Variants in ANXA6 observed in about 807,000 individuals in gnomAD.
ANXA6 encodes the protein 67 kDa calelectrin.
Under a neutral mutation model 95.4 loss-of-function variants are expected in ANXA6, and 71 were observed. The observed-to-expected ratio is 0.74, with a 90% CI of 0.61 to 0.91. The LOEUF (loss-of-function observed/expected upper bound fraction) is 0.91. ANXA6 is among the 40% of genes least tolerant of loss of function. The pLI is 0.00. For missense variants in ANXA6, 830 were observed against 876.4 expected (o/e 0.95, Z 0.67); for synonymous variants, 289 against 315.9 (o/e 0.91, Z 0.90).
intron 17 of ANXA6, among the ~76,000 whole-genome samples, chr5:151,121,529 C>A (rs913154972): frequency 2.0e-5 from 3 of 152,148 alleles, no homozygotes; most frequent in African/African-American, 7.2e-5. Context: ...ATACCTGTGA[C>A]CTTGATTGAC....
chr5:151,143,204 T>A (rs185157781), intron 2 of ANXA6, among the ~76,000 whole-genome samples: 1 of 152,122 alleles, frequency 6.6e-6, no homozygotes. Flanking sequence ...AGGCTCTTTC[T>A]AACAGACCAT....
chr5:151,121,910 G>A (rs1765178883), intron 17 of ANXA6, among the ~76,000 whole-genome samples: 1 of 152,210 alleles, frequency 6.6e-6, no homozygotes, highest in Admixed American at 6.5e-5. Flanking sequence ...GGACAGCAGA[G>A]CCAAGACAGG....
Position 151,100,858 on chromosome 5 carries a change from G to A in ANXA6, c.*590C>T, listed in dbSNP as rs896960292. The A allele has an allele frequency of 2.2e-6, 1 of 456,154 alleles. No individual in the cohort carries two copies. The highest frequency in any genetic ancestry group is 2.0e-5 in the African/African-American group (1 of 50,064). The allele number at this position is 456,154 out of a possible 1,614,324, so 28.3% of individuals were successfully genotyped here. A position where few individuals can be genotyped will look rare whatever the true frequency, so the allele number is the denominator to read the frequency against. On this transcript the variant is annotated 3_prime_UTR_variant, in exon 26 of 26. Coordinates refer to ENST00000354546, the MANE Select transcript of ANXA6 (RefSeq NM_001155.5). ...GTCTCATTGTAGATAAGAAAATAGA[G>A]ACTCAGGGAGGGAAAGGGGCTGGCC...
intron 2 of ANXA6, among the ~76,000 whole-genome samples, chr5:151,145,184 G>C (rs1765942549): frequency 6.6e-6 from 1 of 152,190 alleles, no homozygotes; most frequent in Non-Finnish European, 1.5e-5. Flanking sequence ...GGCTCTGTGG[G>C]GCTGGGCCCC....
At chr5:151,139,518 C>A in intron 3 of ANXA6, 71 bp from the exon 4 acceptor site, 1 of 1,069,866 alleles carries the variant, frequency 9.3e-7, no homozygotes, top group South Asian at 1.3e-5. Context: ...CCACTTCCTT[C>A]CCTGGACACA....
In ANXA6 at chr5:151,140,263, G is replaced by A. The variant is rs1210922100; in HGVS notation, c.19-20C>T. ...GGCACCCTGTGGAGAAAAAAGTAGA[G>A]GGTGAGCTGCCAACCCCGGACTGAG... On this transcript the variant is annotated intron_variant, in intron 2 of 25. Coordinates refer to ENST00000354546, the MANE Select transcript of ANXA6 (RefSeq NM_001155.5). The A allele has an allele frequency of 1.2e-6, 2 of 1,610,926 alleles. No homozygotes were observed. The highest frequency in any genetic ancestry group is 3.3e-5 in the Admixed American group (2 of 59,966).
chr5:151,136,730 G>A (rs1006907748), intron 6 of ANXA6, among the ~76,000 whole-genome samples: 5 of 152,182 alleles, frequency 3.3e-5, no homozygotes, highest in African/African-American at 1.2e-4. Context: ...CTCTTGGCCT[G>A]CAGGCCCTGT....
intron 1 of ANXA6, among the ~76,000 whole-genome samples, chr5:151,148,347 G>A (rs1017941247): frequency 2.0e-5 from 3 of 152,176 alleles, no homozygotes; most frequent in Admixed American, 1.3e-4. Flanking sequence ...GCTTAGAACT[G>A]AATTCAACAA....
rs764195005 is a variant in ANXA6, at chr5:151,139,366, G to T, written c.191C>A (p.Ser64Tyr). 1 of 1,611,936 alleles carries T rather than the reference G, an allele frequency of 6.2e-7. No individual in the cohort carries two copies. The highest frequency in any genetic ancestry group is 1.1e-5 in the South Asian group (1 of 90,904). The change falls in exon 4 of 26, where the codon TCC becomes TAC. Residue 64 changes from serine (S) to tyrosine (Y), a missense_variant. By Grantham distance (144) the Ser-to-Tyr change is moderately radical. Transcript: ENST00000354546. ...QRQEVCQSYK[S>Y]LYGKDLIADL... ...TGCTGTGGTTACCTTGCCGTAGAGG[G>T]ACTTGTAGCTCTGGCAGACCTCCTG...
At position 151,101,330 on chromosome 5, in the gene ANXA6, A is replaced by AACCCC; in HGVS notation, c.*117_*118insGGGGT. 1 of 385,868 alleles carries AACCCC rather than the reference A, an allele frequency of 2.6e-6. No individual in the cohort carries two copies. The highest frequency in any genetic ancestry group is 5.2e-6 in the Non-Finnish European group (1 of 190,628). The allele number at this position is 385,868 out of a possible 1,614,324, so 23.9% of individuals were successfully genotyped here. A position where few individuals can be genotyped will look rare whatever the true frequency, so the allele number is the denominator to read the frequency against. ...CCACTGAAGATAAGAGCCCAACCCA[A>AACCCC]CCCCTCCCCCCACCCCTGCCCCTTC... On this transcript the variant is annotated 3_prime_UTR_variant, in exon 26 of 26. Coordinates refer to ENST00000354546, the MANE Select transcript of ANXA6 (RefSeq NM_001155.5).
At chr5:151,156,870 C>T (rs1766250016) in intron 1 of ANXA6, among the ~76,000 whole-genome samples, 1 of 152,184 alleles carries the variant, frequency 6.6e-6, no homozygotes, top group South Asian at 2.1e-4. Context: ...GGTTTCTCAA[C>T]TATGGACTTG....
At chr5:151,115,217 A>G (rs1280575521) in intron 20 of ANXA6, among the ~76,000 whole-genome samples, 4 of 152,194 alleles carry the variant, frequency 2.6e-5, no homozygotes, top group East Asian at 1.9e-4. Context: ...ATACATAGAG[A>G]AGCAACTAGA....
intron 20 of ANXA6, among the ~76,000 whole-genome samples, chr5:151,110,909 GAGAA>G (rs1223844549): frequency 3.3e-5 from 5 of 152,178 alleles, no homozygotes; most frequent in Non-Finnish European, 7.4e-5. Flanking sequence ...TGAAGGGTAA[GAGAA>G]AGACACAGAA....
In ANXA6 at chr5:151,105,242, T is replaced by C. The variant is rs1764663599; in HGVS notation, c.1839+3A>G. 6.2e-7 allele frequency: 1 copy of C among 1,613,702 alleles called. No homozygotes were observed. Among genetic ancestry groups the C allele is most frequent in the East Asian group, 2.2e-5 (1 of 44,884 alleles). On this transcript the variant is annotated splice_donor_region_variant and intron_variant, in intron 24 of 25. Coordinates refer to ENST00000354546, the MANE Select transcript of ANXA6 (RefSeq NM_001155.5). Reference sequence around the variant, plus strand: ...GGAAAGGAACGCCAGCATGTTTTCTTACCTTCATGGATTTGTAAAGTTTGT... The same window carrying C: ...GGAAAGGAACGCCAGCATGTTTTCTCACCTTCATGGATTTGTAAAGTTTGT...
chr5:151,105,839 G>A (rs1764681718), intron 23 of ANXA6, among the ~76,000 whole-genome samples: 1 of 152,132 alleles, frequency 6.6e-6, no homozygotes, highest in African/African-American at 2.4e-5. Context: ...TGAGTGACCA[G>A]CTTGTCCTAG....
chr5:151,132,414 T>C, intron 10 of ANXA6, 62 bp downstream of exon 10: 1 of 1,275,678 alleles, frequency 7.8e-7, no homozygotes, highest in Non-Finnish European at 1.1e-6. Context: ...CTCAGCCCCT[T>C]GTTCCTAGGC....
At position 151,131,191 on chromosome 5, in the gene ANXA6, C is replaced by T. The variant is rs143361409; in HGVS notation, c.795+40G>A. 1,527 of 1,607,744 alleles carry T rather than the reference C, an allele frequency of 9.5e-4. 2 individuals are homozygous for T. The highest frequency in any genetic ancestry group is 6.3e-3 in the Middle Eastern group (38 of 6,044). On this transcript the variant is annotated intron_variant, in intron 11 of 25. Transcript: ENST00000354546. Reference sequence around the variant, plus strand: ...GGACTTGTCAAAGACTCCCAATAGTCCTCTCCCCAAACCCCATTCACATCA... The same window carrying T: ...GGACTTGTCAAAGACTCCCAATAGTTCTCTCCCCAAACCCCATTCACATCA...
intron 18 of ANXA6, among the ~76,000 whole-genome samples, chr5:151,118,759 G>T (rs1256031402): frequency 6.6e-6 from 1 of 151,896 alleles, no homozygotes; most frequent in Non-Finnish European, 1.5e-5. Flanking sequence ...GTAGAGACGG[G>T]GTTTTGCCAT....
intron 1 of ANXA6, 106 bp downstream of exon 1, chr5:151,157,573 CG>C (rs537175163): frequency 3.3e-5 from 5 of 152,890 alleles, no homozygotes; most frequent in African/African-American, 2.4e-5. Context: ...CTGCTCCTGG[CG>C]GGGGGTACCC....
Sources: allele counts gnomAD v4.1 joint callset (sites outside exome capture counted in the v4.1 genomes callset), GRCh38; gene constraint gnomAD v4.1.1; transcripts MANE v1.5; gene names NCBI Gene and HGNC (gene_info 2026-07-23, HGNC 2026-07-21).